The following CSMD1 variants were observed in gnomAD, a reference collection of about 807,000 sequenced individuals.
The protein encoded by CSMD1 is CUB and sushi domain-containing protein 1.
CSMD1 carries 213 observed loss-of-function variants against 417.5 expected under a neutral mutation model. The observed-to-expected ratio is 0.51, with a 90% CI of 0.46 to 0.57. The LOEUF (loss-of-function observed/expected upper bound fraction) is 0.57, where lower values mean the gene tolerates loss of function less well. Among genes scored for constraint, CSMD1 ranks in the 20% least tolerant of loss-of-function variants. CSMD1 has a pLI of 0.00. For missense variants in CSMD1, 6,923 were observed against 4,529.7 expected (o/e 1.53, Z -15.17); for synonymous variants, 2,862 against 1,736.8 (o/e 1.65, Z -16.11).
chr8:4,274,781 T>A (rs954454345), intron 3 of CSMD1, among the ~76,000 whole-genome samples: 2 of 152,180 alleles, frequency 1.3e-5, no homozygotes, highest in Non-Finnish European at 2.9e-5. Context: ...GAATTTTTTA[T>A]CACTTGGAAA....
At chr8:4,195,001 C>A in intron 3 of CSMD1, among the ~76,000 whole-genome samples, 1 of 151,766 alleles carries the variant, frequency 6.6e-6, no homozygotes, top group African/African-American at 2.4e-5. Context: ...TGGGAATTTT[C>A]CATCTCTTCA....
intron 7 of CSMD1, among the ~76,000 whole-genome samples, chr8:3,657,111 T>C (rs746136463): frequency 1.3e-5 from 2 of 152,150 alleles, no homozygotes; most frequent in African/African-American, 4.8e-5. Flanking sequence ...GACATTGTCA[T>C]TGGAGAATAT....
intron 6 of CSMD1, among the ~76,000 whole-genome samples, chr8:3,744,202 A>G (rs531375142): frequency 7.7e-4 from 118 of 152,320 alleles, no homozygotes; most frequent in South Asian, 1.5e-3. Flanking sequence ...AGTTGAGGAC[A>G]GGGATGACGT....
chr8:4,715,128 G>C (rs1808571256), intron 1 of CSMD1, among the ~76,000 whole-genome samples: 1 of 152,138 alleles, frequency 6.6e-6, no homozygotes, highest in Non-Finnish European at 1.5e-5. Flanking sequence ...CCAAAAACTA[G>C]TAAGATTAAC....
intron 1 of CSMD1, among the ~76,000 whole-genome samples, chr8:4,950,485 A>T (rs1159548853): frequency 6.6e-6 from 1 of 152,228 alleles, no homozygotes; most frequent in East Asian, 1.9e-4. Context: ...GATAAGAAAT[A>T]AATCAGCCTA....
chr8:3,503,650 G>C (rs1382183799), intron 10 of CSMD1, among the ~76,000 whole-genome samples: 2 of 152,184 alleles, frequency 1.3e-5, no homozygotes, highest in African/African-American at 4.8e-5. Context: ...GTGCTGCCCT[G>C]CTACAGAGAG....
At chr8:3,856,126 G>T (rs746691941) in intron 5 of CSMD1, among the ~76,000 whole-genome samples, 100 of 152,018 alleles carry the variant, frequency 6.6e-4, no homozygotes, top group Non-Finnish European at 1.3e-3. Flanking sequence ...GCTGGAGACG[G>T]GGCTTGGTGG....
intron 52 of CSMD1, among the ~76,000 whole-genome samples, chr8:3,006,933 TA>T (rs1413442255): frequency 7.1e-6 from 1 of 140,902 alleles, no homozygotes; most frequent in Non-Finnish European, 1.5e-5. Flanking sequence ...GGGATCTAAT[TA>T]AACTAAAGAG....
Position 2,941,076 on chromosome 8 carries a change from T to C in CSMD1, c.10535+1396A>G, listed in dbSNP as rs558983541. ...CTGAGCAGAAATTCAAGGATAAGGC[T>C]CATCGGACTTGTGTGTATTGGGTAT... On this transcript the variant is annotated intron_variant, in intron 69 of 69. Transcript: ENST00000635120. Among the ~76,000 whole-genome samples, 8 of 152,346 alleles carry C rather than the reference T, an allele frequency of 5.3e-5. No homozygotes were observed. In the East Asian group the frequency reaches 1.4e-3, roughly 26 times the overall value.
intron 1 of CSMD1, among the ~76,000 whole-genome samples, chr8:4,762,600 G>A (rs1413646329): frequency 6.6e-6 from 1 of 152,036 alleles, no homozygotes; most frequent in Non-Finnish European, 1.5e-5. Flanking sequence ...GCATCCCTCT[G>A]AGCCTGAGTG....
intron 1 of CSMD1, among the ~76,000 whole-genome samples, chr8:4,782,888 T>G (rs953434270): frequency 6.6e-6 from 1 of 151,996 alleles, no homozygotes. Context: ...GATGTACATG[T>G]TTTTTGGAGG....
At chr8:3,624,181 T>C (rs1782252052) in intron 7 of CSMD1, among the ~76,000 whole-genome samples, 1 of 151,972 alleles carries the variant, frequency 6.6e-6, no homozygotes, top group Non-Finnish European at 1.5e-5. Flanking sequence ...AATGAAGAGG[T>C]GTTTTCATTT....
chr8:3,921,167 C>G (rs1809226195), intron 5 of CSMD1, among the ~76,000 whole-genome samples: 1 of 152,070 alleles, frequency 6.6e-6, no homozygotes, highest in Non-Finnish European at 1.5e-5. Flanking sequence ...TTGAGATTTT[C>G]TGTTTATTTA....
At chr8:4,354,225 A>T (rs11990010) in intron 3 of CSMD1, among the ~76,000 whole-genome samples, 1 of 152,266 alleles carries the variant, frequency 6.6e-6, no homozygotes, top group South Asian at 2.1e-4. Context: ...GAGCCTTCCG[A>T]TATTTCCACC....
intron 1 of CSMD1, among the ~76,000 whole-genome samples, chr8:4,981,703 G>A (rs946742384): frequency 6.6e-6 from 1 of 152,014 alleles, no homozygotes; most frequent in South Asian, 2.1e-4. Context: ...GGGGCCATGC[G>A]GCACCCCCAC....
chr8:4,060,935 T>C (rs749363272), intron 3 of CSMD1, among the ~76,000 whole-genome samples: 8 of 152,116 alleles, frequency 5.3e-5, no homozygotes, highest in Non-Finnish European at 7.4e-5. Flanking sequence ...GAAACCAACA[T>C]AGAAGCTTCT....
At chr8:3,386,182 T>C (rs1470972751) in intron 18 of CSMD1, among the ~76,000 whole-genome samples, 3 of 152,190 alleles carry the variant, frequency 2.0e-5, no homozygotes, top group Non-Finnish European at 1.5e-5. Context: ...CCTCAGCTCA[T>C]CTGCACAAAA....
chr8:3,806,464 T>C (rs1800747496), intron 5 of CSMD1, among the ~76,000 whole-genome samples: 2 of 152,186 alleles, frequency 1.3e-5, no homozygotes, highest in South Asian at 2.1e-4. Flanking sequence ...TTTGAAGCTA[T>C]CAGCTTCTAT....
intron 3 of CSMD1, among the ~76,000 whole-genome samples, chr8:4,201,023 T>A (rs1799614802): frequency 6.6e-6 from 1 of 152,070 alleles, no homozygotes; most frequent in Non-Finnish European, 1.5e-5. Flanking sequence ...GAAGGCATCA[T>A]GAGATACTAC....
Sources: gnomAD v4.1 joint callset for allele counts (sites outside exome capture counted in the v4.1 genomes callset) on GRCh38, gnomAD v4.1.1 for gene constraint, MANE v1.5 for transcripts, NCBI Gene and HGNC (gene_info 2026-07-23, HGNC 2026-07-21) for gene names.